Variants in MYO9B observed in about 807,000 individuals in gnomAD.
MYO9B encodes myosin IXB.
A neutral mutation model predicts 229.5 loss-of-function variants in MYO9B; 71 were observed. The ratio of observed to expected loss-of-function variants is 0.31; its 90% CI spans 0.26 to 0.38. The LOEUF (loss-of-function observed/expected upper bound fraction) is 0.38, where lower values mean the gene tolerates loss of function less well. Among genes scored for constraint, MYO9B ranks in the 10% least tolerant of loss-of-function variants. MYO9B has a pLI of 1.00. For missense variants in MYO9B, 2,255 were observed against 2,920.5 expected, an observed-to-expected ratio of 0.77 and a Z score of 5.25; for synonymous variants, 1,185 against 1,235.8, an observed-to-expected ratio of 0.96 and a Z score of 0.86.
At chr19:17,153,789 G>A (rs1046554768) in intron 4 of MYO9B, among the ~76,000 whole-genome samples, 178 bp from the exon 5 acceptor site, 1 of 151,752 alleles carries the variant, frequency 6.6e-6, no homozygotes, top group Non-Finnish European at 1.5e-5. Context: ...AAATCTACTC[G>A]CTCACGACAC....
rs1214292669 is a variant in MYO9B at position 17,212,158 on chromosome 19, C to T, written c.6322C>T (p.His2108Tyr). The T allele has an allele frequency of 1.9e-6, 3 of 1,587,078 alleles. No homozygotes were observed. The highest frequency in any genetic ancestry group is 1.3e-5 in the African/African-American group (1 of 74,416). Residue 2108 changes from histidine to tyrosine, a missense_variant, in exon 40 of 40, where the codon CAT (histidine) becomes TAT (tyrosine). By Grantham distance (83) the His-to-Tyr change is moderately conservative. Around this residue, in one of 7 missense-constraint regions of MYO9B, gnomAD observed 331 missense variants for 332.5 expected, o/e 1.00. Transcript: ENST00000682292. This position sits in a 1 kb window ranked among gnomAD's most constrained non-coding sequence, Gnocchi z 5.4. ...ACCTGCCCGCCGCCCGGACCAGATA[C>T]ATTCCGTGTACATCACGCCCGGGGC... ...EPPARRPDQI[H>Y]SVYITPGADL...
chr19:17,202,973 C>A, intron 29 of MYO9B, 90 bp downstream of exon 29: 1 of 1,485,298 alleles, frequency 6.7e-7, no homozygotes, highest in Non-Finnish European at 9.2e-7. Flanking sequence ...GCGCATGGGC[C>A]CGTCTGCACG....
rs200170402 is a variant in MYO9B, at chr19:17,202,921, G to A, written c.4878+38G>A. The A allele has an allele frequency of 1.1e-4, 171 of 1,585,776 alleles. 1 individual carries two copies. In the East Asian group the frequency reaches 2.4e-3, roughly 22 times the overall value. On this transcript the variant is annotated intron_variant, in intron 29 of 39. Coordinates refer to ENST00000682292, the MANE Select transcript of MYO9B (RefSeq NM_004145.4). ...CACATAGATGAGAGTCCGAGCAGGCGAACATTGGCAGGAGCATGCACGTGT... is the reference window on the plus strand; with the variant it reads ...CACATAGATGAGAGTCCGAGCAGGCAAACATTGGCAGGAGCATGCACGTGT...
At chr19:17,104,368 C>A (rs1394570127) in intron 2 of MYO9B, among the ~76,000 whole-genome samples, 1 of 152,208 alleles carries the variant, frequency 6.6e-6, no homozygotes, top group Non-Finnish European at 1.5e-5. Context: ...TTGCCCTGAT[C>A]AGCCAAACCC....
chr19:17,167,870 A>T, intron 10 of MYO9B, 73 bp from the exon 11 acceptor site: 1 of 1,522,264 alleles, frequency 6.6e-7, no homozygotes, highest in Non-Finnish European at 8.9e-7. Context: ...CTCGACCTGT[A>T]TGCAATATAT....
intron 2 of MYO9B, among the ~76,000 whole-genome samples, chr19:17,130,876 C>A (rs1435056342): frequency 6.6e-6 from 1 of 152,100 alleles, no homozygotes; most frequent in Non-Finnish European, 1.5e-5. Context: ...ACTCCTGAAC[C>A]TTGTCCCAGT....
chr19:17,108,880 A>G (rs2057819269), intron 2 of MYO9B, among the ~76,000 whole-genome samples: 1 of 150,856 alleles, frequency 6.6e-6, no homozygotes, highest in South Asian at 2.1e-4. Context: ...TGCCCGGCTA[A>G]TGTTTGTATT....
Position 17,183,820 on chromosome 19 carries a change from T to A in MYO9B, c.2334-9T>A. ...TTTGTTCACAAAACCATTTTTAATA[T>A]TTTGACAGGAAAAGTAAAGGTATCA... On this transcript the variant is annotated splice_polypyrimidine_tract_variant and intron_variant, in intron 15 of 39. Coordinates refer to ENST00000682292, the MANE Select transcript of MYO9B (RefSeq NM_004145.4). The A allele has an allele frequency of 6.4e-7, 1 of 1,560,122 alleles. No individual in the cohort carries two copies. Among genetic ancestry groups the A allele is most frequent in the Non-Finnish European group, 8.7e-7 (1 of 1,155,900 alleles).
chr19:17,195,082 A>C lies in MYO9B; in HGVS notation c.3655A>C (p.Thr1219Pro). Reference sequence around the variant, plus strand: ...TGAGAACACATCTCAAAAGCAGCCCACAGAGCAACCCCAGGCCATGGCAGT... The same window carrying C: ...TGAGAACACATCTCAAAAGCAGCCCCCAGAGCAACCCCAGGCCATGGCAGT... ...EAENTSQKQP[T>P]EQPQAMAVGK... Residue 1219 changes from threonine (T) to proline (P), a missense_variant, in exon 22 of 40, where the codon ACA (threonine) becomes CCA (proline). Physicochemically the swap from Thr to Pro is conservative, Grantham distance 38. Transcript: ENST00000682292. This position sits in a 1 kb window ranked among gnomAD's most constrained non-coding sequence, Gnocchi z 4.5. The C allele has an allele frequency of 6.2e-7, 1 of 1,612,962 alleles. No homozygotes were observed. Among genetic ancestry groups the C allele is most frequent in the Non-Finnish European group, 8.5e-7 (1 of 1,179,850 alleles).
intron 2 of MYO9B, among the ~76,000 whole-genome samples, chr19:17,118,750 C>T (rs914426929): frequency 5.3e-5 from 8 of 152,032 alleles, no homozygotes; most frequent in East Asian, 1.9e-4. Context: ...CCTGTGATCA[C>T]GCCTGGGATC....
At chr19:17,176,768 C>T (rs1285840776) in intron 14 of MYO9B, among the ~76,000 whole-genome samples, 1 of 152,118 alleles carries the variant, frequency 6.6e-6, no homozygotes. Context: ...AAAAGTAGTT[C>T]TGCCAAGTTA....
intron 10 of MYO9B, among the ~76,000 whole-genome samples, chr19:17,164,622 T>A (rs923501518): frequency 1.3e-5 from 2 of 152,172 alleles, no homozygotes; most frequent in African/African-American, 4.8e-5. Context: ...TCTCAGGCAA[T>A]CAGCCCACCT....
intron 3 of MYO9B, among the ~76,000 whole-genome samples, chr19:17,150,149 G>A (rs868239008): frequency 1.6e-4 from 25 of 152,206 alleles, no homozygotes; most frequent in South Asian, 4.1e-4. Flanking sequence ...GGTGGCTCAC[G>A]CCTGTAATCC....
chr19:17,145,696 C>T (rs930924312), intron 3 of MYO9B, among the ~76,000 whole-genome samples: 21 of 151,924 alleles, frequency 1.4e-4, no homozygotes, highest in African/African-American at 4.6e-4. Context: ...GGCTGGGGGA[C>T]GTGGCTAGAG....
At position 17,210,633 on chromosome 19, in the gene MYO9B, C is replaced by A. The variant is rs2073216242; in HGVS notation, c.5797-82C>A. 5 of 1,445,670 alleles carry A rather than the reference C, an allele frequency of 3.5e-6. No homozygotes were observed. The South Asian group carries it at 7.3e-5, about 21-fold the overall frequency. 89.6% of individuals were successfully genotyped at this position (1,445,670 alleles called of 1,614,324 possible). ...CCCAGCACACTCACATCACAACTAACCTCCTGGGATCTGCTCACACCTCCG... is the reference window on the plus strand; with the variant it reads ...CCCAGCACACTCACATCACAACTAAACTCCTGGGATCTGCTCACACCTCCG... On this transcript the variant is annotated intron_variant, in intron 37 of 39. Transcript: ENST00000682292.
chr19:17,079,903 C>T (rs1420622051), intron 1 of MYO9B, among the ~76,000 whole-genome samples: 1 of 152,226 alleles, frequency 6.6e-6, no homozygotes, highest in East Asian at 1.9e-4. Context: ...AGTGGCAGAA[C>T]AAAGGGCTCT....
At chr19:17,077,729 G>C (rs1296219121) in intron 1 of MYO9B, among the ~76,000 whole-genome samples, 5 of 152,086 alleles carry the variant, frequency 3.3e-5, no homozygotes, top group African/African-American at 7.2e-5. Flanking sequence ...ATGTCCCCCA[G>C]CTCCCGGCCT....
intron 1 of MYO9B, among the ~76,000 whole-genome samples, chr19:17,091,400 A>G (rs1212102681): frequency 6.6e-6 from 1 of 152,078 alleles, no homozygotes; most frequent in Non-Finnish European, 1.5e-5. Flanking sequence ...TAATTTTTTA[A>G]TTTTTTATAG....
In MYO9B at chr19:17,104,258, G is replaced by A. The variant is rs376465961; in HGVS notation, c.840+1701G>A. ...CAGGCCTGGGGGTTAAGGGGATGGC[G>A]AAGCATTGTCGGGGAGGGGGCTGCC... On this transcript the variant is annotated intron_variant, in intron 2 of 39. Coordinates refer to ENST00000682292, the MANE Select transcript of MYO9B (RefSeq NM_004145.4). Among the ~76,000 whole-genome samples the A allele has an allele frequency of 5.3e-5, 8 of 152,226 alleles. No homozygotes were observed. The South Asian group carries it at 1.0e-3, about 20-fold the overall frequency.
Sources: allele counts gnomAD v4.1 joint callset (sites outside exome capture counted in the v4.1 genomes callset), GRCh38; gene constraint gnomAD v4.1.1; regional missense constraint gnomAD v4.1.1; non-coding constraint Gnocchi (gnomAD v3.1); transcripts MANE v1.5; gene names NCBI Gene and HGNC (gene_info 2026-07-23, HGNC 2026-07-21).